Variants in SCAPER observed in about 807,000 individuals in gnomAD.
The protein encoded by SCAPER is S phase cyclin A-associated protein in the endoplasmic reticulum.
In SCAPER, 98 loss-of-function variants were observed where a neutral mutation model predicts 182.2. The observed-to-expected ratio is 0.54, with a 90% CI of 0.46 to 0.64. The LOEUF (loss-of-function observed/expected upper bound fraction) is 0.64, where lower values mean the gene tolerates loss of function less well. Among genes scored for constraint, SCAPER ranks in the 30% least tolerant of loss-of-function variants. SCAPER has a pLI of 0.00. For synonymous variants in SCAPER, 605 were observed against 564.6 expected (o/e 1.07, Z -1.01); for missense variants, 1,432 against 1,690.0 (o/e 0.85, Z 2.68).
chr15:76,838,946 T>C (rs2069192949), intron 5 of SCAPER, among the ~76,000 whole-genome samples: 1 of 151,956 alleles, frequency 6.6e-6, no homozygotes, highest in Non-Finnish European at 1.5e-5. Context: ...TTAAGCACAC[T>C]CCAAAAAGCA....
intron 1 of SCAPER, among the ~76,000 whole-genome samples, chr15:76,903,062 A>G (rs1280582118): frequency 1.6e-5 from 1 of 61,062 alleles, no homozygotes; most frequent in Non-Finnish European, 6.0e-5. Flanking sequence ...CTCGGTTTCA[A>G]AAAAAAAAAA....
intron 20 of SCAPER, among the ~76,000 whole-genome samples, chr15:76,670,109 C>G (rs940833830): frequency 6.6e-6 from 1 of 152,030 alleles, no homozygotes; most frequent in Admixed American, 6.6e-5. Flanking sequence ...AAACCAGAGA[C>G]AAATGAGCAT....
chr15:76,413,102 A>T (rs905920581), intron 26 of SCAPER, among the ~76,000 whole-genome samples: 1 of 152,176 alleles, frequency 6.6e-6, no homozygotes, highest in Non-Finnish European at 1.5e-5. Context: ...AATCTTACTT[A>T]ACAGTTCTAT....
At chr15:76,716,860 T>C (rs1187690905) in intron 17 of SCAPER, among the ~76,000 whole-genome samples, 1 of 151,984 alleles carries the variant, frequency 6.6e-6, no homozygotes, top group African/African-American at 2.4e-5. Context: ...ATAAATAAAA[T>C]AATTGGTAAA....
chr15:76,739,284 T>C (rs2061431207), intron 15 of SCAPER, among the ~76,000 whole-genome samples: 1 of 152,194 alleles, frequency 6.6e-6, no homozygotes, highest in African/African-American at 2.4e-5. Context: ...ATGTCACAAA[T>C]AGAAGATTCA....
intron 23 of SCAPER, among the ~76,000 whole-genome samples, chr15:76,571,320 C>T (rs1189251325): frequency 6.6e-6 from 1 of 151,992 alleles, no homozygotes; most frequent in Non-Finnish European, 1.5e-5. Context: ...TACCCAGTAC[C>T]CTAGACCAAA....
chr15:76,635,888 C>G (rs965497487), intron 21 of SCAPER, among the ~76,000 whole-genome samples: 1 of 152,054 alleles, frequency 6.6e-6, no homozygotes. Context: ...GTCAACTACC[C>G]CTGAATTCTT....
intron 2 of SCAPER, among the ~76,000 whole-genome samples, chr15:76,865,538 A>T (rs1025943216): frequency 1.3e-5 from 2 of 152,146 alleles, no homozygotes; most frequent in Non-Finnish European, 2.9e-5. Flanking sequence ...ATAAATAAAC[A>T]GAATGGATTT....
At chr15:76,781,925 T>G (rs2064176737) in intron 8 of SCAPER, among the ~76,000 whole-genome samples, 1 of 152,144 alleles carries the variant, frequency 6.6e-6, no homozygotes, top group Admixed American at 6.6e-5. Flanking sequence ...TACCAGCCAC[T>G]GCAAAAACAT....
chr15:76,622,553 AT>A (rs35822162), intron 21 of SCAPER, among the ~76,000 whole-genome samples: 1 of 152,178 alleles, frequency 6.6e-6, no homozygotes, highest in Non-Finnish European at 1.5e-5. Flanking sequence ...AAAAGTACAT[AT>A]TTTTTCAACC....
chr15:76,793,002 T>C (rs2065097954), intron 8 of SCAPER, among the ~76,000 whole-genome samples: 2 of 152,208 alleles, frequency 1.3e-5, no homozygotes, highest in Non-Finnish European at 2.9e-5. Context: ...TACCACCATC[T>C]TTCTCCTTTC....
At chr15:76,845,589 A>T (rs532265348) in intron 4 of SCAPER, among the ~76,000 whole-genome samples, 2 of 152,184 alleles carry the variant, frequency 1.3e-5, no homozygotes, top group African/African-American at 4.8e-5. Flanking sequence ...GAAAAAAAAA[A>T]TGGTAATTCC....
Position 76,806,485 on chromosome 15 carries a change from C to T in SCAPER, c.394-1852G>A, listed in dbSNP as rs113158753. Among the ~76,000 whole-genome samples, 1,200 of 152,238 alleles carry T rather than the reference C, an allele frequency of 7.9e-3. 11 individuals carry two copies. The highest frequency in any genetic ancestry group is 0.027 in the African/African-American group (1,138 of 41,556). On this transcript the variant is annotated intron_variant, in intron 5 of 31. Coordinates refer to ENST00000563290, the MANE Select transcript of SCAPER (RefSeq NM_020843.4). ...AATTCAGGGGGTCTAGGTCCTCAAACGTTGTTCTTTTTCAGGATTGTCTTG... is the reference window on the plus strand; with the variant it reads ...AATTCAGGGGGTCTAGGTCCTCAAATGTTGTTCTTTTTCAGGATTGTCTTG...
chr15:76,353,691 G>A (rs568691899), intron 30 of SCAPER, among the ~76,000 whole-genome samples: 2 of 152,170 alleles, frequency 1.3e-5, no homozygotes, highest in East Asian at 1.9e-4. Flanking sequence ...TCCTGAGTAC[G>A]GGTTACCATT....
chr15:76,466,240 G>A (rs758668271), intron 25 of SCAPER, among the ~76,000 whole-genome samples: 1 of 151,490 alleles, frequency 6.6e-6, no homozygotes, highest in African/African-American at 2.4e-5. Context: ...AAATCCCTTA[G>A]GCTTTCATCA....
rs184933672 is a variant in SCAPER at position 76,608,251 on chromosome 15, T to C, written c.2711+13513A>G. Among the ~76,000 whole-genome samples, 823 of 152,360 alleles carry C rather than the reference T, an allele frequency of 5.4e-3. 7 individuals carry two copies. The highest frequency in any genetic ancestry group is 0.019 in the African/African-American group (796 of 41,588). On this transcript the variant is annotated intron_variant, in intron 22 of 31. Transcript: ENST00000563290. The stretch of plus-strand genomic sequence containing the variant: ...CCTTCTAACAGACAGGACCCTCAGC[T>C]GCAGGTCTGTTAGAGTTTGCTAGAG...
chr15:76,439,853 C>T (rs1028158228), intron 25 of SCAPER, among the ~76,000 whole-genome samples: 1 of 152,194 alleles, frequency 6.6e-6, no homozygotes, highest in African/African-American at 2.4e-5. Flanking sequence ...AGCTTTTGGT[C>T]CTTCTGAATC....
At chr15:76,797,182 TA>T (rs536246243) in intron 7 of SCAPER, 1 of 152,160 alleles carries the variant, frequency 6.6e-6, no homozygotes, top group Non-Finnish European at 1.5e-5. Flanking sequence ...GGTCAGGTTT[TA>T]ACAGAAAAAA....
At chr15:76,459,565 T>TA (rs2049000519) in intron 25 of SCAPER, among the ~76,000 whole-genome samples, 1 of 150,392 alleles carries the variant, frequency 6.6e-6, no homozygotes, top group Non-Finnish European at 1.5e-5. Flanking sequence ...TGCTGTTGTA[T>TA]ACTCTGGATA....
Sources: gnomAD v4.1 joint callset for allele counts (sites outside exome capture counted in the v4.1 genomes callset) on GRCh38, gnomAD v4.1.1 for gene constraint, MANE v1.5 for transcripts, NCBI Gene and HGNC (gene_info 2026-07-23, HGNC 2026-07-21) for gene names.